Variants in MATN2 observed in about 807,000 individuals in gnomAD.
MATN2 encodes the protein matrilin-2.
In MATN2, 69 loss-of-function variants were observed where a neutral mutation model predicts 103.2. The observed-to-expected ratio is 0.67, with a 90% CI of 0.55 to 0.82. MATN2 has a LOEUF of 0.82. MATN2 is among the 40% of genes least tolerant of loss of function. The pLI is 0.00. For synonymous variants in MATN2, 429 were observed against 450.2 expected (o/e 0.95, Z 0.60); for missense variants, 1,023 against 1,211.5 (o/e 0.84, Z 2.31).
chr8:97,879,256 A>C (rs1226270329), intron 1 of MATN2, among the ~76,000 whole-genome samples: 1 of 152,214 alleles, frequency 6.6e-6, no homozygotes, highest in Non-Finnish European at 1.5e-5. Context: ...TAGAATGTAG[A>C]AATTTCAGGG....
chr8:97,925,832 T>C lies in MATN2; in HGVS notation c.143-5121T>C, dbSNP rs74652137. ...GTCTCCAGATGAAATGATTTTACCC[T>C]TGTCATGGAGATTCATATTCATTCC... On this transcript the variant is annotated intron_variant, in intron 2 of 18. Coordinates refer to ENST00000254898, the MANE Select transcript of MATN2 (RefSeq NM_002380.5). Among the ~76,000 whole-genome samples, 1,265 of 152,292 alleles carry C rather than the reference T, an allele frequency of 8.3e-3. 14 individuals are homozygous for C. Among genetic ancestry groups the C allele is most frequent in the African/African-American group, 0.027 (1,108 of 41,550 alleles).
intron 6 of MATN2, among the ~76,000 whole-genome samples, chr8:97,980,558 C>CT (rs71570278): frequency 0.11 from 10,133 of 93,988 alleles, 852 homozygotes; most frequent in African/African-American, 0.19. Flanking sequence ...TTATTCTTTC[C>CT]TTTTTTTTTT....
Position 98,030,819 on chromosome 8 carries a change from C to T in MATN2, c.2509+205C>T, listed in dbSNP as rs143112273. ...CTGGGATTACAGGCACCCACCACCA[C>T]ACCCAGCTAATTTTTGTATTTTTAG... On this transcript the variant is annotated intron_variant, in intron 15 of 18. Transcript: ENST00000254898. Among the ~76,000 whole-genome samples, 439 of 152,118 alleles carry T rather than the reference C, an allele frequency of 2.9e-3. 1 individual carries two copies. Among genetic ancestry groups the T allele is most frequent in the African/African-American group, 0.01 (418 of 41,508 alleles).
chr8:97,958,308 C>G (rs1254917833), intron 4 of MATN2, among the ~76,000 whole-genome samples: 1 of 152,172 alleles, frequency 6.6e-6, no homozygotes, highest in Non-Finnish European at 1.5e-5. Flanking sequence ...ATTGGGAGGA[C>G]CCATGTGGAG....
intron 5 of MATN2, among the ~76,000 whole-genome samples, chr8:97,976,344 G>GGT (rs1811837428): frequency 6.6e-6 from 1 of 152,120 alleles, no homozygotes. Context: ...CCTGACCTCC[G>GGT]GTGATCCACC....
intron 2 of MATN2, among the ~76,000 whole-genome samples, chr8:97,894,573 T>G (rs988103597): frequency 6.6e-6 from 1 of 152,078 alleles, no homozygotes; most frequent in Non-Finnish European, 1.5e-5. Flanking sequence ...CCTCCTGCCT[T>G]GGCCTCCCAA....
intron 2 of MATN2, among the ~76,000 whole-genome samples, chr8:97,900,250 ACAGC>A (rs142768408): frequency 0.013 from 2,006 of 152,318 alleles, 47 homozygotes; most frequent in African/African-American, 0.046. Context: ...TTATAAGCCT[ACAGC>A]CAGCCAATGA....
At chr8:97,987,997 G>A (rs988543502) in intron 6 of MATN2, among the ~76,000 whole-genome samples, 2 of 150,788 alleles carry the variant, frequency 1.3e-5, no homozygotes, top group South Asian at 2.1e-4. Context: ...TGAGAAAGTG[G>A]ACATCAATAC....
intron 3 of MATN2, 111 bp from the exon 4 acceptor site, chr8:97,941,666 C>G (rs1810572838): frequency 7.9e-7 from 1 of 1,268,974 alleles, no homozygotes; most frequent in African/African-American, 1.5e-5. Context: ...CAGCTTATTT[C>G]TCTGAGTCCT....
intron 2 of MATN2, among the ~76,000 whole-genome samples, chr8:97,900,251 C>A (rs1048941804): frequency 4.0e-5 from 6 of 148,272 alleles, no homozygotes; most frequent in Admixed American, 4.0e-4. Flanking sequence ...TATAAGCCTA[C>A]AGCCAGCCAA....
chr8:97,929,888 A>G (rs76352027), intron 2 of MATN2, among the ~76,000 whole-genome samples: 51 of 152,324 alleles, frequency 3.3e-4, no homozygotes, highest in African/African-American at 1.2e-3. Flanking sequence ...TGATGCTAAG[A>G]TGCCCCTCAC....
intron 3 of MATN2, among the ~76,000 whole-genome samples, chr8:97,941,547 A>G (rs1442388198): frequency 1.3e-5 from 2 of 152,134 alleles, no homozygotes; most frequent in Non-Finnish European, 2.9e-5. Context: ...AAGTATCAGC[A>G]ATTTCATATA....
chr8:97,879,960 T>C (rs941586059), intron 1 of MATN2, among the ~76,000 whole-genome samples: 1 of 152,192 alleles, frequency 6.6e-6, no homozygotes, highest in South Asian at 2.1e-4. Flanking sequence ...GCTCCAGTAT[T>C]GTATGATTCT....
chr8:98,030,456 C>T lies in MATN2; in HGVS notation c.2357-6C>T, dbSNP rs1262537306. ...TAACTTGCTCTTAATTTTTCCTGCA[C>T]CCTAGGTATCACTATGTATGCTGTT... On this transcript the variant is annotated splice_region_variant and splice_polypyrimidine_tract_variant and intron_variant, in intron 14 of 18. Transcript: ENST00000254898. 3 of 1,611,184 alleles carry T rather than the reference C, an allele frequency of 1.9e-6. No individual in the cohort carries two copies. The highest frequency in any genetic ancestry group is 2.5e-6 in the Non-Finnish European group (3 of 1,178,766).
chr8:97,937,417 G>A (rs1810410376), intron 3 of MATN2, among the ~76,000 whole-genome samples: 2 of 152,050 alleles, frequency 1.3e-5, no homozygotes, highest in African/African-American at 4.8e-5. Context: ...AGGGGAACTA[G>A]AGCACAGTCT....
Position 97,972,580 on chromosome 8 carries a change from T to C in MATN2, c.959-6306T>C, listed in dbSNP as rs1230795858. Among the ~76,000 whole-genome samples, 3 of 152,360 alleles carry C rather than the reference T, an allele frequency of 2.0e-5. No individual in the cohort carries two copies. The East Asian group carries it at 5.8e-4, about 29-fold the overall frequency. On this transcript the variant is annotated intron_variant, in intron 5 of 18. Coordinates refer to ENST00000254898, the MANE Select transcript of MATN2 (RefSeq NM_002380.5). Reference sequence around the variant, plus strand: ...CCAAATGCTCCTCTTTAAAATATACTATTTCTGCTAATGCCATTCCCTTGC... The same window carrying C: ...CCAAATGCTCCTCTTTAAAATATACCATTTCTGCTAATGCCATTCCCTTGC...
At chr8:97,964,890 G>A (rs868268628) in intron 5 of MATN2, among the ~76,000 whole-genome samples, 10 of 151,894 alleles carry the variant, frequency 6.6e-5, no homozygotes, top group South Asian at 6.2e-4. Context: ...CATACCACAC[G>A]TCTGGCTAAT....
At chr8:97,885,313 A>C (rs1818388231) in intron 1 of MATN2, among the ~76,000 whole-genome samples, 1 of 152,202 alleles carries the variant, frequency 6.6e-6, no homozygotes, top group South Asian at 2.1e-4. Flanking sequence ...AACACACTGA[A>C]TAGTGTTTTA....
intron 13 of MATN2, among the ~76,000 whole-genome samples, chr8:98,022,563 T>A (rs768509813): frequency 6.6e-6 from 1 of 152,092 alleles, no homozygotes; most frequent in South Asian, 2.1e-4. Context: ...AATTTTGAGG[T>A]ACCAAATACC....
Sources: gnomAD v4.1 joint callset for allele counts (sites outside exome capture counted in the v4.1 genomes callset) on GRCh38, gnomAD v4.1.1 for gene constraint, MANE v1.5 for transcripts, NCBI Gene and HGNC (gene_info 2026-07-23, HGNC 2026-07-21) for gene names.